The following MAF variants were observed in gnomAD, a reference collection of about 807,000 sequenced individuals.
MAF encodes MAF bZIP transcription factor.
In MAF, 10 loss-of-function variants were observed where a neutral mutation model predicts 22.0. The observed-to-expected ratio is 0.45, with a 90% CI of 0.28 to 0.77. The LOEUF (loss-of-function observed/expected upper bound fraction) is 0.77, where lower values mean the gene tolerates loss of function less well. Ranked by LOEUF, MAF falls within the 30% of genes least tolerant of loss-of-function variation. MAF has a pLI of 0.12. For synonymous variants in MAF, 337 were observed against 255.8 expected (o/e 1.32, Z -3.03); for missense variants, 544 against 548.4 (o/e 0.99, Z 0.08).
the MAF span, among the ~76,000 whole-genome samples, chr16:79,221,991 A>G: frequency 6.6e-6 from 1 of 152,212 alleles, no homozygotes; most frequent in East Asian, 1.9e-4. Context: ...TTAAAGCAGT[A>G]AAAATAATAT....
chr16:79,459,603 C>A, the MAF span, among the ~76,000 whole-genome samples: 1 of 151,538 alleles, frequency 6.6e-6, no homozygotes. Context: ...GACAGGGTGT[C>A]ATTCTAACAA....
chr16:79,312,334 C>G, the MAF span, among the ~76,000 whole-genome samples: 1 of 152,176 alleles, frequency 6.6e-6, no homozygotes, highest in Non-Finnish European at 1.5e-5. Flanking sequence ...ATTGATGGGT[C>G]ACTGCAAGCA....
At chr16:79,375,752 G>A in the MAF span, among the ~76,000 whole-genome samples, 1 of 152,110 alleles carries the variant, frequency 6.6e-6, no homozygotes, top group African/African-American at 2.4e-5. Flanking sequence ...ATCTGCTGTA[G>A]TTTACACCCA....
the MAF span, among the ~76,000 whole-genome samples, chr16:79,512,770 G>C: frequency 2.0e-5 from 3 of 152,210 alleles, no homozygotes; most frequent in South Asian, 2.1e-4. Context: ...ATGTGGGTTT[G>C]CTGGTATTGA....
chr16:79,443,137 G>T, the MAF span, among the ~76,000 whole-genome samples: 2 of 152,120 alleles, frequency 1.3e-5, no homozygotes, highest in African/African-American at 4.8e-5. Flanking sequence ...GGCAGTCAGG[G>T]CTAAGAAGCA....
At chr16:79,211,901 A>AAGAGT in the MAF span, 3 of 1,558,606 alleles carry the variant, frequency 1.9e-6, no homozygotes, top group East Asian at 2.4e-5. Flanking sequence ...ACAGATCCGC[A>AAGAGT]AGAGTAAAGG....
the MAF span, among the ~76,000 whole-genome samples, chr16:79,378,009 G>C: frequency 6.6e-6 from 1 of 152,128 alleles, no homozygotes; most frequent in Non-Finnish European, 1.5e-5. Context: ...TTGGTGATGA[G>C]GGCTCTTTTT....
chr16:79,595,103 G>C, intron 1 of MAF: 1 of 1,024,826 alleles, frequency 9.8e-7, no homozygotes, highest in Non-Finnish European at 1.2e-6. Flanking sequence ...CAGAGTTTGT[G>C]TATCTCTTAG....
At chr16:79,292,287 A>G in the MAF span, among the ~76,000 whole-genome samples, 773 of 152,320 alleles carry the variant, frequency 5.1e-3, 8 homozygotes, top group Admixed American at 9.1e-3. Flanking sequence ...ACACACAGAC[A>G]TACAGGGAAA....
At chr16:79,240,902 C>G in the MAF span, among the ~76,000 whole-genome samples, 1 of 152,054 alleles carries the variant, frequency 6.6e-6, no homozygotes, top group African/African-American at 2.4e-5. Flanking sequence ...CCCAGGCAAA[C>G]AGGGTCTGGA....
intron 1 of MAF, chr16:79,596,668 G>C (rs1344114282): frequency 9.6e-6 from 10 of 1,036,760 alleles, no homozygotes; most frequent in Non-Finnish European, 1.2e-5. Context: ...ATTGTGGTAA[G>C]ATTTACTTTT....
chr16:79,297,378 T>C, the MAF span, among the ~76,000 whole-genome samples: 22 of 152,318 alleles, frequency 1.4e-4, no homozygotes, highest in Non-Finnish European at 2.9e-4. Context: ...CTACGGTGAC[T>C]GTGGGCAAGG....
the MAF span, among the ~76,000 whole-genome samples, chr16:79,417,690 A>C: frequency 6.6e-6 from 1 of 152,100 alleles, no homozygotes; most frequent in African/African-American, 2.4e-5. Flanking sequence ...TCCCCTCCCC[A>C]CATGGCCCTC....
At chr16:79,487,803 T>G in the MAF span, among the ~76,000 whole-genome samples, 1 of 152,178 alleles carries the variant, frequency 6.6e-6, no homozygotes, top group Non-Finnish European at 1.5e-5. Context: ...TTGTTGGGAA[T>G]CCCCGTGGTT....
chr16:79,435,804 C>G, the MAF span, among the ~76,000 whole-genome samples: 1 of 152,144 alleles, frequency 6.6e-6, no homozygotes, highest in Non-Finnish European at 1.5e-5. Flanking sequence ...TTCCATACTT[C>G]GTAGCTAAAA....
the MAF span, among the ~76,000 whole-genome samples, chr16:79,403,477 C>T: frequency 2.6e-5 from 4 of 152,164 alleles, no homozygotes; most frequent in Admixed American, 6.5e-5. Context: ...AAGTGCCCGC[C>T]CCTCACTTCC....
rs5818250 is a variant in MAF at position 79,598,581 on chromosome 16, G to GGTGTGT, written c.1118+198_1118+203dup. On this transcript the variant is annotated intron_variant, in intron 1 of 1. Transcript: ENST00000326043. Reference sequence around the variant, plus strand: ...CACCACAAACTCGAGCAGGGTGTGGGGTGTGTGTGTGTGTGTGTGTGTGTG... The same window carrying GGTGTGT: ...CACCACAAACTCGAGCAGGGTGTGGGGTGTGTGTGTGTGTGTGTGTGTGTGTGTGTG... 0.026 allele frequency: 36,685 copies of GGTGTGT among 1,405,750 alleles called. 152 individuals carry two copies. The highest frequency in any genetic ancestry group is 0.13 in the East Asian group (4,704 of 37,464). The allele number at this position is 1,405,750 out of a possible 1,614,324, so 87.1% of individuals were successfully genotyped here. A position where few individuals can be genotyped will look rare whatever the true frequency, so the allele number is the denominator to read the frequency against.
the MAF span, among the ~76,000 whole-genome samples, chr16:79,450,813 T>G: frequency 1.4e-5 from 2 of 147,088 alleles, no homozygotes; most frequent in African/African-American, 5.1e-5. Flanking sequence ...AAAAAAAAAA[T>G]GCAGCCACAT....
downstream of MAF, among the ~76,000 whole-genome samples, chr16:79,589,405 T>C (rs1442041621): frequency 1.3e-5 from 2 of 152,160 alleles, no homozygotes; most frequent in South Asian, 2.1e-4. Context: ...GAGATTTCCA[T>C]AAAGATTTTT....
Sources: gnomAD v4.1 joint callset for allele counts (sites outside exome capture counted in the v4.1 genomes callset) on GRCh38, gnomAD v4.1.1 for gene constraint, MANE v1.5 for transcripts, NCBI Gene and HGNC (gene_info 2026-07-23, HGNC 2026-07-21) for gene names.